Variants in ATRNL1 observed in about 807,000 individuals in gnomAD.
ATRNL1 encodes the protein attractin-like protein 1.
In ATRNL1, 95 loss-of-function variants were observed where a neutral mutation model predicts 182.7. That is an observed-to-expected ratio of 0.52 (90% CI 0.44 to 0.62). ATRNL1 has a LOEUF of 0.62. ATRNL1 is among the 20% of genes least tolerant of loss of function. The pLI, the probability that ATRNL1 is intolerant of heterozygous loss-of-function variation, is 0.00. For missense variants in ATRNL1, 1,471 were observed against 1,679.5 expected, an observed-to-expected ratio of 0.88 and a Z score of 2.17; for synonymous variants, 576 against 568.3, an observed-to-expected ratio of 1.01 and a Z score of -0.19.
At chr10:115,439,851 A>G (rs1478176847) in intron 21 of ATRNL1, among the ~76,000 whole-genome samples, 1 of 151,980 alleles carries the variant, frequency 6.6e-6, no homozygotes, top group African/African-American at 2.4e-5. Flanking sequence ...TGGAAGCTGG[A>G]AAAGGCAACT....
chr10:115,575,451 A>T (rs1421913643), intron 26 of ATRNL1, among the ~76,000 whole-genome samples: 1 of 152,080 alleles, frequency 6.6e-6, no homozygotes, highest in African/African-American at 2.4e-5. Context: ...GAATGTCTGA[A>T]ATTTTAGTGT....
At chr10:115,218,264 G>T (rs1849307932) in intron 9 of ATRNL1, among the ~76,000 whole-genome samples, 1 of 151,964 alleles carries the variant, frequency 6.6e-6, no homozygotes, top group Admixed American at 6.6e-5. Flanking sequence ...CATTTTGGTT[G>T]CTGTCACTGC....
chr10:115,312,441 C>A (rs1554928155), intron 17 of ATRNL1, among the ~76,000 whole-genome samples: 3 of 152,180 alleles, frequency 2.0e-5, no homozygotes, highest in Non-Finnish European at 4.4e-5. Context: ...ACCTTGATCC[C>A]TTCTGGCCTG....
chr10:115,625,480 A>C (rs1194412732), intron 26 of ATRNL1, among the ~76,000 whole-genome samples: 1 of 152,180 alleles, frequency 6.6e-6, no homozygotes, highest in Non-Finnish European at 1.5e-5. Flanking sequence ...AAAAATCACT[A>C]TTGTTGCTGA....
intron 18 of ATRNL1, among the ~76,000 whole-genome samples, chr10:115,323,411 TCCCC>T (rs1854689626): frequency 5.1e-5 from 3 of 58,398 alleles, no homozygotes; most frequent in Non-Finnish European, 3.4e-5. Flanking sequence ...CTCCCTCCCC[TCCCC>T]TCCCCTCCCC....
chr10:115,278,849 ATTATT>A (rs1554915757), intron 13 of ATRNL1, among the ~76,000 whole-genome samples: 1 of 152,066 alleles, frequency 6.6e-6, no homozygotes, highest in East Asian at 1.9e-4. Flanking sequence ...TTGTGTTTTT[ATTATT>A]TTAACTATAG....
intron 27 of ATRNL1, among the ~76,000 whole-genome samples, chr10:115,821,664 G>T (rs1555090391): frequency 6.6e-6 from 1 of 151,992 alleles, no homozygotes; most frequent in African/African-American, 2.4e-5. Context: ...CTTTAAACCA[G>T]CAAAGATCAA....
intron 20 of ATRNL1, among the ~76,000 whole-genome samples, chr10:115,424,270 C>CA (rs1309431444): frequency 5.9e-5 from 9 of 152,040 alleles, no homozygotes; most frequent in South Asian, 2.1e-4. Flanking sequence ...ATGAAAAAGA[C>CA]AAAAAAATAA....
At chr10:115,575,487 C>A (rs2133871975) in intron 26 of ATRNL1, among the ~76,000 whole-genome samples, 1 of 152,150 alleles carries the variant, frequency 6.6e-6, no homozygotes, top group South Asian at 2.1e-4. Context: ...TGTTTTTCAA[C>A]ATGTTTTATA....
Position 115,814,529 on chromosome 10 carries a change from A to G in ATRNL1, c.3904-33348A>G, listed in dbSNP as rs144034198. On this transcript the variant is annotated intron_variant, in intron 27 of 28. Transcript: ENST00000355044. ...TACAAGAAGATAGTTATATAGACAT[A>G]TGTGATAGTGAGTTACCAGTCCCAC... is the stretch of plus-strand genomic sequence containing the variant. Among the ~76,000 whole-genome samples the G allele has an allele frequency of 4.7e-3, 719 of 152,300 alleles. 2 individuals carry two copies. The highest frequency in any genetic ancestry group is 0.016 in the African/African-American group (649 of 41,566).
At chr10:115,682,755 A>C (rs531322764) in intron 26 of ATRNL1, among the ~76,000 whole-genome samples, 15 of 152,204 alleles carry the variant, frequency 9.9e-5, no homozygotes, top group African/African-American at 3.6e-4. Flanking sequence ...ACCAGTGGAA[A>C]TCTCCCTCTA....
intron 26 of ATRNL1, among the ~76,000 whole-genome samples, chr10:115,616,545 G>A (rs1169507035): frequency 1.3e-5 from 2 of 152,190 alleles, no homozygotes; most frequent in Non-Finnish European, 2.9e-5. Context: ...GCATTTCAGA[G>A]ACCTTCATGG....
intron 5 of ATRNL1, among the ~76,000 whole-genome samples, chr10:115,153,084 A>G (rs1846321807): frequency 6.6e-6 from 1 of 152,120 alleles, no homozygotes; most frequent in African/African-American, 2.4e-5. Flanking sequence ...ATCATGGTGG[A>G]TAAGCTTTTT....
chr10:115,249,899 T>A (rs928681590), intron 10 of ATRNL1, among the ~76,000 whole-genome samples: 2 of 152,232 alleles, frequency 1.3e-5, no homozygotes, highest in Non-Finnish European at 2.9e-5. Flanking sequence ...GTCAGACAGA[T>A]TAAAAATGTA....
intron 27 of ATRNL1, among the ~76,000 whole-genome samples, chr10:115,769,210 T>C (rs1555075739): frequency 1.3e-5 from 2 of 152,068 alleles, no homozygotes; most frequent in African/African-American, 4.8e-5. Context: ...GGCTATCTTC[T>C]CCTGCACCAA....
At chr10:115,712,843 G>A (rs1051847295) in intron 26 of ATRNL1, among the ~76,000 whole-genome samples, 12 of 150,840 alleles carry the variant, frequency 8.0e-5, no homozygotes, top group African/African-American at 2.9e-4. Flanking sequence ...ACTCCAGGCT[G>A]GGCGACAGAG....
At chr10:115,890,324 G>T (rs1952050024) in intron 28 of ATRNL1, among the ~76,000 whole-genome samples, 1 of 152,104 alleles carries the variant, frequency 6.6e-6, no homozygotes, top group Non-Finnish European at 1.5e-5. Flanking sequence ...CTCTAACATG[G>T]TTAATCTTTA....
intron 20 of ATRNL1, among the ~76,000 whole-genome samples, chr10:115,405,601 C>T (rs1554958028): frequency 6.6e-6 from 1 of 152,092 alleles, no homozygotes. Context: ...ATCCAAGTTG[C>T]TGCATTCAGA....
At chr10:115,479,025 CAG>C (rs1263020444) in intron 24 of ATRNL1, among the ~76,000 whole-genome samples, 4 of 151,476 alleles carry the variant, frequency 2.6e-5, no homozygotes, top group African/African-American at 9.7e-5. Context: ...TGGGTAAAGA[CAG>C]TGATAATAAC....
Sources: gnomAD v4.1 joint callset for allele counts (sites outside exome capture counted in the v4.1 genomes callset) on GRCh38, gnomAD v4.1.1 for gene constraint, MANE v1.5 for transcripts, NCBI Gene and HGNC (gene_info 2026-07-23, HGNC 2026-07-21) for gene names.